Variants in UNC5C observed in about 807,000 individuals in gnomAD.
The protein encoded by UNC5C is unc-5 netrin receptor C, also known as netrin receptor UNC5C.
A neutral mutation model predicts 99.8 loss-of-function variants in UNC5C; 47 were observed. The ratio of observed to expected loss-of-function variants is 0.47; its 90% CI spans 0.37 to 0.60. The LOEUF (loss-of-function observed/expected upper bound fraction) is 0.60. UNC5C is among the 20% of genes least tolerant of loss of function. The pLI is 0.00. For missense variants in UNC5C, 1,062 were observed against 1,165.9 expected (o/e 0.91, Z 1.30); for synonymous variants, 487 against 452.2 (o/e 1.08, Z -0.98).
chr4:95,287,752 T>C (rs965129105), intron 3 of UNC5C, among the ~76,000 whole-genome samples: 1 of 152,246 alleles, frequency 6.6e-6, no homozygotes, highest in Non-Finnish European at 1.5e-5. Flanking sequence ...ACTCCTGATA[T>C]GCAATGTGCC....
intron 2 of UNC5C, among the ~76,000 whole-genome samples, chr4:95,320,732 T>C (rs530745639): frequency 6.6e-6 from 1 of 152,308 alleles, no homozygotes; most frequent in East Asian, 1.9e-4. Flanking sequence ...TGCGTGGGCC[T>C]GAGGGTGGAC....
chr4:95,453,698 T>C (rs1221731728), intron 1 of UNC5C, among the ~76,000 whole-genome samples: 1 of 151,962 alleles, frequency 6.6e-6, no homozygotes, highest in Admixed American at 6.6e-5. Context: ...CCACCAGTGA[T>C]TACTGTCTTG....
chr4:95,341,393 G>C (rs1334698193), intron 1 of UNC5C, among the ~76,000 whole-genome samples: 1 of 151,484 alleles, frequency 6.6e-6, no homozygotes, highest in Non-Finnish European at 1.5e-5. Flanking sequence ...TGACCTAGAA[G>C]GGCAAGCAAA....
chr4:95,449,757 T>C (rs1430817047), intron 1 of UNC5C, among the ~76,000 whole-genome samples: 3 of 152,208 alleles, frequency 2.0e-5, no homozygotes, highest in African/African-American at 7.2e-5. Context: ...AACTAAGATA[T>C]CTGTTAGTGA....
At chr4:95,283,839 T>C (rs1222529366) in intron 3 of UNC5C, among the ~76,000 whole-genome samples, 2 of 152,234 alleles carry the variant, frequency 1.3e-5, no homozygotes, top group African/African-American at 4.8e-5. Context: ...ATAACCTAGA[T>C]TACTTTTGCA....
intron 1 of UNC5C, among the ~76,000 whole-genome samples, chr4:95,481,087 C>T (rs1721136930): frequency 6.6e-6 from 1 of 151,256 alleles, no homozygotes; most frequent in African/African-American, 2.4e-5. Flanking sequence ...TTGCAGATGA[C>T]ATGATTGTAT....
intron 1 of UNC5C, among the ~76,000 whole-genome samples, chr4:95,363,350 A>G (rs1744454502): frequency 6.6e-6 from 1 of 152,168 alleles, no homozygotes; most frequent in Admixed American, 6.5e-5. Context: ...TCCCAGGATT[A>G]CAGAGGTCTT....
At chr4:95,378,603 A>G (rs1016535167) in intron 1 of UNC5C, among the ~76,000 whole-genome samples, 1 of 152,210 alleles carries the variant, frequency 6.6e-6, no homozygotes, top group African/African-American at 2.4e-5. Flanking sequence ...AGTACATGGC[A>G]TACCATAGAT....
chr4:95,430,420 A>G (rs1746603977), intron 1 of UNC5C, among the ~76,000 whole-genome samples: 1 of 152,130 alleles, frequency 6.6e-6, no homozygotes, highest in Admixed American at 6.6e-5. Context: ...TCATGATTAA[A>G]TGTACCCAAA....
intron 1 of UNC5C, among the ~76,000 whole-genome samples, chr4:95,430,289 CCT>C (rs1239110263): frequency 3.3e-5 from 5 of 151,938 alleles, no homozygotes; most frequent in Admixed American, 2.0e-4. Flanking sequence ...TAGCTCTGTA[CCT>C]CTCTCTCAAA....
chr4:95,317,214 C>A (rs1269723941), intron 2 of UNC5C, among the ~76,000 whole-genome samples: 1 of 152,092 alleles, frequency 6.6e-6, no homozygotes, highest in Non-Finnish European at 1.5e-5. Flanking sequence ...AGCGCTCATG[C>A]AAAATTGAAG....
In UNC5C at chr4:95,301,646, C is replaced by G. The variant is rs770515497; in HGVS notation, c.450G>C (p.Ala150=). The G allele has an allele frequency of 3.7e-6, 6 of 1,613,728 alleles. No homozygotes were observed. The highest frequency in any genetic ancestry group is 1.1e-5 in the South Asian group (1 of 91,066). ...YWCQCVAWSS[A]GTTKSRKAYV... ...ACGCCTTCCGGCTCTTTGTGGTACC[C>G]GCGGAGCTCCAGGCCACACACTGGC... Residue 150 remains alanine, a synonymous_variant, in exon 3 of 16, where the codon GCG becomes GCC. Transcript: ENST00000453304.
rs1040124645 is a variant in UNC5C at position 95,166,576 on chromosome 4, A to G, written c.*2658T>C. On this transcript the variant is annotated 3_prime_UTR_variant, in exon 16 of 16. Coordinates refer to ENST00000453304, the MANE Select transcript of UNC5C (RefSeq NM_003728.4). ...CTGTGTTGGTGACTTTTTAGTCAAA[A>G]TAAGTTTTTAGTAACAGTTATGGAA... is the stretch of plus-strand genomic sequence containing the variant. 6.6e-6 allele frequency: 1 copy of G among 152,186 alleles called. No homozygotes were observed. The highest frequency in any genetic ancestry group is 1.5e-5 in the Non-Finnish European group (1 of 68,036). The allele number at this position is 152,186 out of a possible 1,614,324, so 9.4% of individuals were successfully genotyped here.
intron 4 of UNC5C, among the ~76,000 whole-genome samples, chr4:95,258,664 G>A (rs1022551409): frequency 1.5e-4 from 22 of 151,692 alleles, no homozygotes; most frequent in Non-Finnish European, 2.6e-4. Flanking sequence ...ACAGTTACAC[G>A]GCAATATTAG....
chr4:95,190,839 G>T (rs554283904), intron 12 of UNC5C, among the ~76,000 whole-genome samples: 1 of 152,332 alleles, frequency 6.6e-6, no homozygotes, highest in Admixed American at 6.5e-5. Flanking sequence ...CTCCAAAGCA[G>T]ACTGGCCGGC....
intron 1 of UNC5C, among the ~76,000 whole-genome samples, chr4:95,447,397 G>A (rs1747136035): frequency 6.6e-6 from 1 of 152,070 alleles, no homozygotes; most frequent in Admixed American, 6.6e-5. Flanking sequence ...TTATAGACAA[G>A]GAAAGTTATA....
At chr4:95,381,056 A>C (rs1745054171) in intron 1 of UNC5C, among the ~76,000 whole-genome samples, 1 of 152,218 alleles carries the variant, frequency 6.6e-6, no homozygotes. Flanking sequence ...TAATATTCTT[A>C]ATTCAAATAC....
intron 7 of UNC5C, chr4:95,222,070 T>A (rs769583802): frequency 1.6e-4 from 87 of 535,132 alleles, no homozygotes; most frequent in Admixed American, 4.7e-4. Flanking sequence ...AGCAAAAATC[T>A]AATTTATTTT....
intron 4 of UNC5C, among the ~76,000 whole-genome samples, chr4:95,265,288 AC>A (rs1207315814): frequency 6.7e-6 from 1 of 149,626 alleles, no homozygotes; most frequent in Non-Finnish European, 1.5e-5. Context: ...CTCAACAAAT[AC>A]AAAAAAAACA....
Sources: allele counts gnomAD v4.1 joint callset (sites outside exome capture counted in the v4.1 genomes callset), GRCh38; gene constraint gnomAD v4.1.1; transcripts MANE v1.5; gene names NCBI Gene and HGNC (gene_info 2026-07-23, HGNC 2026-07-21).